Variants in BZW1 observed in about 807,000 individuals in gnomAD.
BZW1 encodes the protein eIF5-mimic protein 2.
In BZW1, 3 loss-of-function variants were observed where a neutral mutation model predicts 54.1. That is an observed-to-expected ratio of 0.06 (90% CI 0.03 to 0.14). BZW1 has a LOEUF of 0.14. Among genes scored for constraint, BZW1 ranks in the 10% least tolerant of loss-of-function variants. The pLI is 1.00. For synonymous variants in BZW1, 152 were observed against 162.7 expected, an observed-to-expected ratio of 0.93 and a Z score of 0.50; for missense variants, 206 against 491.7, an observed-to-expected ratio of 0.42 and a Z score of 5.50.
rs1279412740 is a variant in BZW1, at chr2:200,826,908, C to G, written c.*4730C>G. On this transcript the variant is annotated 3_prime_UTR_variant, in exon 12 of 12. Coordinates refer to ENST00000409600, the MANE Select transcript of BZW1 (RefSeq NM_001207067.2). ...AAAACAAGCTAGGAGCTAGTTCATG[C>G]TAATATTCTTAAGGACAAAAATAGT... 3 of 151,160 alleles carry G rather than the reference C, an allele frequency of 2.0e-5. No homozygotes were observed. The highest frequency in any genetic ancestry group is 7.3e-5 in the African/African-American group (3 of 41,106). 9.4% of individuals were successfully genotyped at this position (151,160 alleles called of 1,614,324 possible).
intron 9 of BZW1, 62 bp from the exon 10 acceptor site, chr2:200,819,920 A>T (rs1158248294): frequency 7.3e-7 from 1 of 1,363,494 alleles, no homozygotes; most frequent in Non-Finnish European, 9.7e-7. Flanking sequence ...GTATTGTAGG[A>T]GTTTTGTAAT....
At chr2:200,820,503 G>C (rs2038470296) in intron 10 of BZW1, among the ~76,000 whole-genome samples, 1 of 152,074 alleles carries the variant, frequency 6.6e-6, no homozygotes, top group Non-Finnish European at 1.5e-5. Context: ...TGCATAAGGA[G>C]ACCTCATCTC....
chr2:200,823,788 A>G lies in BZW1; in HGVS notation c.*1610A>G, dbSNP rs1289895026. 1 of 152,212 alleles carries G rather than the reference A, an allele frequency of 6.6e-6. No individual in the cohort carries two copies. Among genetic ancestry groups the G allele is most frequent in the Non-Finnish European group, 1.5e-5 (1 of 67,942 alleles). 9.4% of individuals were successfully genotyped at this position (152,212 alleles called of 1,614,324 possible). On this transcript the variant is annotated 3_prime_UTR_variant, in exon 12 of 12. Coordinates refer to ENST00000409600, the MANE Select transcript of BZW1 (RefSeq NM_001207067.2). ...GATCTGCTTTTACTTTGTAATTTGT[A>G]GTTCTCAAAAGACTTTTTTTTAAAA...
intron 5 of BZW1, 49 bp downstream of exon 5, chr2:200,816,439 A>G: frequency 1.5e-6 from 2 of 1,338,756 alleles, no homozygotes; most frequent in Admixed American, 2.0e-5. Context: ...AGGGTTAGAA[A>G]GAGGAATGTT....
Position 200,825,159 on chromosome 2 carries a change from G to C in BZW1, c.*2981G>C, listed in dbSNP as rs2038659680. 6.6e-6 allele frequency: 1 copy of C among 152,264 alleles called. No individual in the cohort carries two copies. The allele number at this position is 152,264 out of a possible 1,614,324, so 9.4% of individuals were successfully genotyped here. ...AGCTCACTGCAATCTCTGCCTCCTG[G>C]GTTCAAGCGATTCTCTTGCTTCAGC... On this transcript the variant is annotated 3_prime_UTR_variant, in exon 12 of 12. Transcript: ENST00000409600.
intron 6 of BZW1, 119 bp from the exon 7 acceptor site, chr2:200,817,855 A>G (rs760827902): frequency 1.2e-3 from 852 of 687,830 alleles, no homozygotes; most frequent in Non-Finnish European, 1.8e-3. Context: ...TTCAGGGTTA[A>G]GTTTGTGAGG....
intron 1 of BZW1, 79 bp downstream of exon 1, chr2:200,812,069 G>A (rs1050699523): frequency 1.7e-5 from 8 of 476,454 alleles, no homozygotes; most frequent in African/African-American, 8.0e-5. Context: ...GAGGCGGCGG[G>A]CTGGATGCGG....
At chr2:200,813,025 TTGACGTAC>T (rs2038147906) in intron 1 of BZW1, 175 bp from the exon 2 acceptor site, 2 of 694,686 alleles carry the variant, frequency 2.9e-6, no homozygotes, top group Non-Finnish European at 5.3e-6. Context: ...AATGCACATT[TTGACGTAC>T]ATTTGATTCA....
chr2:200,814,498 A>G (rs1261742654), intron 2 of BZW1, among the ~76,000 whole-genome samples: 1 of 152,156 alleles, frequency 6.6e-6, no homozygotes, highest in Non-Finnish European at 1.5e-5. Flanking sequence ...GGAAAGCAAA[A>G]CCCTATTATG....
intron 9 of BZW1, chr2:200,819,230 A>C: frequency 4.3e-6 from 1 of 232,500 alleles, no homozygotes; most frequent in Non-Finnish European, 8.4e-6. Flanking sequence ...CTCTACTAAA[A>C]ATCACAAAAA....
chr2:200,818,856 C>G lies in BZW1; in HGVS notation c.921C>G (p.Asn307Lys), dbSNP rs865908843. ...WSSVMSTVEW[N>K]KKEELVAEQA... ...GTGTAATGAGCACTGTGGAATGGAA[C>G]AAAAAAGAGGAGCTTGTAGCAGAGC... is the stretch of plus-strand genomic sequence containing the variant. The change falls in exon 9 of 12, where the codon AAC (asparagine) becomes AAG (lysine). Residue 307 changes from asparagine (N) to lysine (K), a missense_variant. Coordinates refer to ENST00000409600, the MANE Select transcript of BZW1 (RefSeq NM_001207067.2). The G allele has an allele frequency of 3.1e-6, 5 of 1,599,440 alleles. No individual in the cohort carries two copies. The highest frequency in any genetic ancestry group is 1.4e-5 in the African/African-American group (1 of 73,750).
Position 200,826,895 on chromosome 2 carries a change from G to A in BZW1, c.*4717G>A, listed in dbSNP as rs960622178. On this transcript the variant is annotated 3_prime_UTR_variant, in exon 12 of 12. Transcript: ENST00000409600. Reference sequence around the variant, plus strand: ...AAAATACCTTGGCAAAACAAGCTAGGAGCTAGTTCATGCTAATATTCTTAA... The same window carrying A: ...AAAATACCTTGGCAAAACAAGCTAGAAGCTAGTTCATGCTAATATTCTTAA... 1 of 151,830 alleles carries A rather than the reference G, an allele frequency of 6.6e-6. No homozygotes were observed. Among genetic ancestry groups the A allele is most frequent in the African/African-American group, 2.4e-5 (1 of 41,344 alleles). 9.4% of individuals were successfully genotyped at this position (151,830 alleles called of 1,614,324 possible). A position where few individuals can be genotyped will look rare whatever the true frequency, so the allele number is the denominator to read the frequency against.
Position 200,824,116 on chromosome 2 carries a change from T to A in BZW1, c.*1938T>A, listed in dbSNP as rs1219677415. ...TCCAGAACTACATTATTATCTTTGATCGTAGTTTGTTTCTTCATAATGACA... is the reference window on the plus strand; with the variant it reads ...TCCAGAACTACATTATTATCTTTGAACGTAGTTTGTTTCTTCATAATGACA... On this transcript the variant is annotated 3_prime_UTR_variant, in exon 12 of 12. Transcript: ENST00000409600. 1.3e-5 allele frequency: 2 copies of A among 152,214 alleles called. No homozygotes were observed. Among genetic ancestry groups the A allele is most frequent in the Non-Finnish European group, 2.9e-5 (2 of 68,034 alleles). The allele number at this position is 152,214 out of a possible 1,614,324, so 9.4% of individuals were successfully genotyped here.
rs151240779 is a variant in BZW1, at chr2:200,822,005, G to A, written c.1229-142G>A. 4.3e-4 allele frequency: 301 copies of A among 700,120 alleles called. 1 individual carries two copies. In the African/African-American group the frequency reaches 5.0e-3, roughly 12 times the overall value. The allele number at this position is 700,120 out of a possible 1,614,324, so 43.4% of individuals were successfully genotyped here. A position where few individuals can be genotyped will look rare whatever the true frequency, so the allele number is the denominator to read the frequency against. On this transcript the variant is annotated intron_variant, in intron 11 of 11. Coordinates refer to ENST00000409600, the MANE Select transcript of BZW1 (RefSeq NM_001207067.2). ...GATCACTTGAACCCGGGAGGCAGAG[G>A]TTGCAGTGAGCCAAGAGGGTGCTGC... is the stretch of plus-strand genomic sequence containing the variant.
intron 9 of BZW1, among the ~76,000 whole-genome samples, chr2:200,819,388 C>CA (rs889506555): frequency 1.3e-5 from 2 of 150,036 alleles, no homozygotes; most frequent in Non-Finnish European, 3.0e-5. Context: ...GATCCTGCCT[C>CA]AAAAAAAAGA....
At chr2:200,812,359 A>AC in intron 1 of BZW1, 1 of 1,280,770 alleles carries the variant, frequency 7.8e-7, no homozygotes, top group East Asian at 3.1e-5. Context: ...GCCACCCACC[A>AC]CCGCTGCGGC....
At position 200,813,285 on chromosome 2, in the gene BZW1, A is replaced by T; in HGVS notation, c.64+4A>T. On this transcript the variant is annotated splice_donor_region_variant and intron_variant, in intron 2 of 11. Coordinates refer to ENST00000409600, the MANE Select transcript of BZW1 (RefSeq NM_001207067.2). ...CGTTTTAAAACTAGAAAAAGAGGTA[A>T]ATATTTACGTTTTAATGTCTCTCTT... is the stretch of plus-strand genomic sequence containing the variant. The T allele has an allele frequency of 6.2e-7, 1 of 1,610,544 alleles. No homozygotes were observed. Among genetic ancestry groups the T allele is most frequent in the Non-Finnish European group, 8.5e-7 (1 of 1,177,396 alleles).
intron 2 of BZW1, among the ~76,000 whole-genome samples, chr2:200,813,852 C>G (rs1379373943): frequency 6.6e-6 from 1 of 152,070 alleles, no homozygotes; most frequent in African/African-American, 2.4e-5. Context: ...TGATATAAAG[C>G]TAAATAAGAC....
intron 10 of BZW1, among the ~76,000 whole-genome samples, chr2:200,820,423 T>C (rs2038466488): frequency 6.6e-6 from 1 of 152,232 alleles, no homozygotes; most frequent in South Asian, 2.1e-4. Context: ...CTCATACTTG[T>C]GACCCCAACA....
Sources: allele counts gnomAD v4.1 joint callset (sites outside exome capture counted in the v4.1 genomes callset), GRCh38; gene constraint gnomAD v4.1.1; transcripts MANE v1.5; gene names NCBI Gene and HGNC (gene_info 2026-07-23, HGNC 2026-07-21).